The following BCAT1 variants were observed in gnomAD, a reference collection of about 807,000 sequenced individuals.
The protein encoded by BCAT1 is branched chain amino acid transaminase 1.
A neutral mutation model predicts 52.4 loss-of-function variants in BCAT1; 48 were observed. The observed-to-expected ratio is 0.92, with a 90% CI of 0.73 to 1.16. The LOEUF (loss-of-function observed/expected upper bound fraction) is 1.16. BCAT1 is among the 50% of genes most tolerant of loss of function. The pLI, the probability that BCAT1 is intolerant of heterozygous loss-of-function variation, is 0.00. For missense variants in BCAT1, 451 were observed against 457.1 expected, an observed-to-expected ratio of 0.99 and a Z score of 0.12; for synonymous variants, 167 against 161.3, an observed-to-expected ratio of 1.04 and a Z score of -0.27.
At chr12:24,836,346 T>A (rs757407656) in intron 8 of BCAT1, 165 bp downstream of exon 8, 9 of 634,544 alleles carry the variant, frequency 1.4e-5, no homozygotes, top group Non-Finnish European at 2.4e-5. Context: ...TTAATAGTCT[T>A]GCCAAGAAAG....
At chr12:24,875,212 G>A (rs759219058) in intron 5 of BCAT1, among the ~76,000 whole-genome samples, 6 of 152,142 alleles carry the variant, frequency 3.9e-5, no homozygotes, top group Admixed American at 1.3e-4. Flanking sequence ...TAGCCACCAC[G>A]AAAACCTAAT....
intron 1 of BCAT1, among the ~76,000 whole-genome samples, chr12:24,935,311 A>C (rs1484180459): frequency 6.6e-6 from 1 of 152,226 alleles, no homozygotes; most frequent in East Asian, 1.9e-4. Context: ...CATTCTGGAG[A>C]GAGTCAGGGA....
intron 1 of BCAT1, among the ~76,000 whole-genome samples, chr12:24,943,267 T>C (rs879588590): frequency 6.6e-6 from 1 of 151,814 alleles, no homozygotes; most frequent in Non-Finnish European, 1.5e-5. Flanking sequence ...CCAAGGTGGG[T>C]GGATCACTGG....
chr12:24,844,999 G>A (rs977755588), intron 6 of BCAT1, among the ~76,000 whole-genome samples: 1 of 151,282 alleles, frequency 6.6e-6, no homozygotes, highest in Non-Finnish European at 1.5e-5. Context: ...AGTTACTTGA[G>A]GTCAGGAGTT....
chr12:24,867,217 C>T (rs961706269), intron 5 of BCAT1, among the ~76,000 whole-genome samples: 10 of 152,084 alleles, frequency 6.6e-5, no homozygotes, highest in East Asian at 5.8e-4. Context: ...ACTCCAGACA[C>T]GACACCTTTA....
chr12:24,837,151 T>G (rs1941015676), intron 7 of BCAT1, among the ~76,000 whole-genome samples: 1 of 76,508 alleles, frequency 1.3e-5, no homozygotes, highest in Non-Finnish European at 3.3e-5. Flanking sequence ...GAAGGAAAGT[T>G]ATCTAATCAT....
intron 2 of BCAT1, among the ~76,000 whole-genome samples, chr12:24,896,308 G>A (rs1334372270): frequency 6.6e-6 from 1 of 152,116 alleles, no homozygotes; most frequent in Non-Finnish European, 1.5e-5. Flanking sequence ...AGGGGGTCAG[G>A]CAGACTTTAC....
chr12:24,844,440 A>T (rs1386642173), intron 6 of BCAT1, among the ~76,000 whole-genome samples: 1 of 151,940 alleles, frequency 6.6e-6, no homozygotes, highest in Non-Finnish European at 1.5e-5. Flanking sequence ...TCAAAAAAAT[A>T]AATAAATAAA....
At chr12:24,912,844 C>T (rs1207778383) in intron 1 of BCAT1, among the ~76,000 whole-genome samples, 1 of 152,146 alleles carries the variant, frequency 6.6e-6, no homozygotes, top group Non-Finnish European at 1.5e-5. Flanking sequence ...AAAGGGAATA[C>T]TTCCCCATCA....
In BCAT1 at chr12:24,814,905, A is replaced by G. The variant is rs1485126718; in HGVS notation, c.*3103T>C. ...AGAAAAAACCTGATTCCTTAACAAGACTTCTCAGTCACTTGTTTCTCTTTC... is the reference window on the plus strand; with the variant it reads ...AGAAAAAACCTGATTCCTTAACAAGGCTTCTCAGTCACTTGTTTCTCTTTC... On this transcript the variant is annotated 3_prime_UTR_variant, in exon 11 of 11. Coordinates refer to ENST00000261192, the MANE Select transcript of BCAT1 (RefSeq NM_005504.7). 1 of 151,084 alleles carries G rather than the reference A, an allele frequency of 6.6e-6. No homozygotes were observed. Among genetic ancestry groups the G allele is most frequent in the East Asian group, 1.9e-4 (1 of 5,152 alleles). 9.4% of individuals were successfully genotyped at this position (151,084 alleles called of 1,614,324 possible). A position where few individuals can be genotyped will look rare whatever the true frequency, so the allele number is the denominator to read the frequency against.
intron 5 of BCAT1, among the ~76,000 whole-genome samples, chr12:24,854,994 A>AGC (rs1399764725): frequency 6.6e-6 from 1 of 152,094 alleles, no homozygotes; most frequent in Non-Finnish European, 1.5e-5. Context: ...CCCGCCCCTG[A>AGC]GCATAAAAAT....
At chr12:24,922,404 C>T (rs1467439506) in intron 1 of BCAT1, among the ~76,000 whole-genome samples, 1 of 152,176 alleles carries the variant, frequency 6.6e-6, no homozygotes, top group Non-Finnish European at 1.5e-5. Flanking sequence ...ATCCTACATC[C>T]GGCCCCTAGT....
In BCAT1 at chr12:24,814,861, T is replaced by C. The variant is rs898054834; in HGVS notation, c.*3147A>G. The C allele has an allele frequency of 1.2e-4, 17 of 145,286 alleles. No homozygotes were observed. Among genetic ancestry groups the C allele is most frequent in the African/African-American group, 4.1e-4 (16 of 39,458 alleles). The allele number at this position is 145,286 out of a possible 1,614,324, so 9.0% of individuals were successfully genotyped here. ...TTACAGCAATCTTTTGAGAAAAGAATAGAGAATGTTTACCAGGTAGAAAAA... is the reference window on the plus strand; with the variant it reads ...TTACAGCAATCTTTTGAGAAAAGAACAGAGAATGTTTACCAGGTAGAAAAA... On this transcript the variant is annotated 3_prime_UTR_variant, in exon 11 of 11. Transcript: ENST00000261192.
intron 1 of BCAT1, 136 bp from the exon 2 acceptor site, chr12:24,902,021 A>T: frequency 6.3e-7 from 1 of 1,576,338 alleles, no homozygotes; most frequent in Non-Finnish European, 8.6e-7. Flanking sequence ...AGGCTCAGAC[A>T]ACCAAGCACC....
rs186740154 is a variant in BCAT1 at position 24,888,427 on chromosome 12, A to C, written c.279+5848T>G. On this transcript the variant is annotated intron_variant, in intron 3 of 10. Transcript: ENST00000261192. ...GGGAGGAGAATCTGTTGAAGCCAGG[A>C]GGTGGAAGTTGCAGTGAGCTGAGAT... 3.6e-3 allele frequency among the ~76,000 whole-genome samples: 545 copies of C among 152,306 alleles called. 5 individuals carry two copies. The highest frequency in any genetic ancestry group is 0.012 in the African/African-American group (514 of 41,556).
chr12:24,891,658 G>A (rs1167672106), intron 3 of BCAT1, among the ~76,000 whole-genome samples: 1 of 151,774 alleles, frequency 6.6e-6, no homozygotes, highest in Non-Finnish European at 1.5e-5. Flanking sequence ...TAATTTGAGA[G>A]TTTTTTTAAA....
intron 1 of BCAT1, among the ~76,000 whole-genome samples, chr12:24,928,700 A>G (rs1943632172): frequency 7.4e-6 from 1 of 135,222 alleles, no homozygotes; most frequent in Non-Finnish European, 1.6e-5. Flanking sequence ...TTCAGTGTGA[A>G]ATGTTTGTTG....
At chr12:24,842,330 G>T in intron 6 of BCAT1, 106 bp from the exon 7 acceptor site, 1 of 1,268,204 alleles carries the variant, frequency 7.9e-7, no homozygotes, top group Non-Finnish European at 1.1e-6. Context: ...TGGACATAGT[G>T]AAGGTATTAT....
intron 3 of BCAT1, among the ~76,000 whole-genome samples, chr12:24,887,080 AATATATATATATATATAT>A (rs71063368): frequency 2.5e-5 from 1 of 40,748 alleles, no homozygotes; most frequent in Non-Finnish European, 5.2e-5. Flanking sequence ...AAAAAAAAAA[AATATATATATATATATAT>A]ATATATATAT....
Sources: allele counts gnomAD v4.1 joint callset (sites outside exome capture counted in the v4.1 genomes callset), GRCh38; gene constraint gnomAD v4.1.1; transcripts MANE v1.5; gene names NCBI Gene and HGNC (gene_info 2026-07-23, HGNC 2026-07-21).